The following PDE1A variants were observed in gnomAD, a reference collection of about 807,000 sequenced individuals.
The protein encoded by PDE1A is phosphodiesterase 1A.
In PDE1A, 35 loss-of-function variants were observed where a neutral mutation model predicts 61.7. The observed-to-expected ratio is 0.57, with a 90% CI of 0.43 to 0.75. The LOEUF (loss-of-function observed/expected upper bound fraction) is 0.75, where lower values mean the gene tolerates loss of function less well. PDE1A is among the 30% of genes least tolerant of loss of function. The pLI is 0.00. For missense variants in PDE1A, 597 were observed against 630.6 expected (o/e 0.95, Z 0.57); for synonymous variants, 232 against 213.2 (o/e 1.09, Z -0.77).
intron 6 of PDE1A, among the ~76,000 whole-genome samples, chr2:182,228,320 C>T (rs1285611970): frequency 2.6e-5 from 4 of 152,040 alleles, no homozygotes; most frequent in African/African-American, 9.7e-5. Flanking sequence ...CAGGAATGGT[C>T]CTTAAAACAT....
At chr2:182,524,897 T>A (rs1043713102), upstream of PDE1A, among the ~76,000 whole-genome samples, 2 of 151,830 alleles carry the variant, frequency 1.3e-5, no homozygotes, top group African/African-American at 4.8e-5. Context: ...GAACAAGTAG[T>A]TCCTTCATTC....
In PDE1A at chr2:182,202,693, A is replaced by T. The variant is rs79383286; in HGVS notation, c.903-904T>A. Among the ~76,000 whole-genome samples, 12 of 152,318 alleles carry T rather than the reference A, an allele frequency of 7.9e-5. No homozygotes were observed. In the East Asian group the frequency reaches 1.7e-3, roughly 22 times the overall value. On this transcript the variant is annotated intron_variant, in intron 8 of 13. Coordinates refer to ENST00000351439, the Ensembl canonical transcript of PDE1A. ...GTGATTTTCTGTTTAAGCTTTTGGGATCTGACCCTCCCTAACATAAAGAGA... is the reference window on the plus strand; with the variant it reads ...GTGATTTTCTGTTTAAGCTTTTGGGTTCTGACCCTCCCTAACATAAAGAGA...
rs188165627 is a variant in PDE1A at position 182,245,299 on chromosome 2, A to G, written c.168-5007T>C. On this transcript the variant is annotated intron_variant, in intron 2 of 13. Coordinates refer to ENST00000351439, the Ensembl canonical transcript of PDE1A. Reference sequence around the variant, plus strand: ...AGTTCCCATATTACTGACATCTGGTATTATTGTGGTACAGTTATTTCAGTT... The same window carrying G: ...AGTTCCCATATTACTGACATCTGGTGTTATTGTGGTACAGTTATTTCAGTT... Among the ~76,000 whole-genome samples, 347 of 152,242 alleles carry G rather than the reference A, an allele frequency of 2.3e-3. 1 individual carries two copies. Among genetic ancestry groups the G allele is most frequent in the Non-Finnish European group, 2.7e-3 (185 of 68,018 alleles).
intron 7 of PDE1A, among the ~76,000 whole-genome samples, chr2:182,210,022 A>G (rs1687450992): frequency 6.6e-6 from 1 of 151,650 alleles, no homozygotes; most frequent in South Asian, 2.1e-4. Flanking sequence ...CATATACCAC[A>G]GTTTATTTAT....
At chr2:182,313,357 T>G (rs561349542) in intron 1 of PDE1A, among the ~76,000 whole-genome samples, 2 of 152,206 alleles carry the variant, frequency 1.3e-5, no homozygotes, top group East Asian at 3.9e-4. Flanking sequence ...GGGGCTGCAG[T>G]GAGCTGAGAT....
intron 1 of PDE1A, among the ~76,000 whole-genome samples, chr2:182,317,563 A>G (rs1696418727): frequency 6.6e-6 from 1 of 152,138 alleles, no homozygotes; most frequent in Non-Finnish European, 1.5e-5. Context: ...GGCATACATA[A>G]CAATGAGTGC....
chr2:182,491,202 GT>G (rs1688369968), intron 2 of PDE1A, among the ~76,000 whole-genome samples: 1 of 152,192 alleles, frequency 6.6e-6, no homozygotes, highest in African/African-American at 2.4e-5. Flanking sequence ...GGTAACAGCA[GT>G]CAGTATAATA....
intron 1 of PDE1A, among the ~76,000 whole-genome samples, chr2:182,277,122 T>C (rs1022786457): frequency 2.6e-5 from 4 of 152,098 alleles, no homozygotes; most frequent in Non-Finnish European, 5.9e-5. Context: ...CAGAAGCATG[T>C]GATCTTTGTT....
intron 1 of PDE1A, among the ~76,000 whole-genome samples, chr2:182,290,361 T>C (rs1209904348): frequency 6.6e-6 from 1 of 152,118 alleles, no homozygotes; most frequent in East Asian, 1.9e-4. Flanking sequence ...TATCCAAATC[T>C]TTTGGTGGAA....
intron 10 of PDE1A, among the ~76,000 whole-genome samples, chr2:182,194,012 T>G (rs1685928477): frequency 6.6e-6 from 1 of 152,148 alleles, no homozygotes; most frequent in Non-Finnish European, 1.5e-5. Flanking sequence ...TAGCAACATT[T>G]AAAAATAGAG....
At chr2:182,425,054 T>G (rs1016216709) in intron 1 of PDE1A, among the ~76,000 whole-genome samples, 1 of 152,228 alleles carries the variant, frequency 6.6e-6, no homozygotes, top group Admixed American at 6.5e-5. Flanking sequence ...CCATAGCACC[T>G]AAGCATATAA....
chr2:182,369,285 G>A (rs147328867), intron 1 of PDE1A, among the ~76,000 whole-genome samples: 4 of 152,140 alleles, frequency 2.6e-5, no homozygotes, highest in African/African-American at 7.2e-5. Context: ...TTCTTATTAA[G>A]CTAATCTTCT....
the PDE1A span, among the ~76,000 whole-genome samples, chr2:182,601,711 G>C: frequency 3.3e-5 from 5 of 152,168 alleles, no homozygotes; most frequent in Admixed American, 6.5e-5. Context: ...GCAGAGAGGA[G>C]GAGGCTCTGG....
chr2:182,219,454 G>C (rs140579047), intron 7 of PDE1A, among the ~76,000 whole-genome samples: 93 of 152,152 alleles, frequency 6.1e-4, no homozygotes, highest in Non-Finnish European at 1.1e-3. Flanking sequence ...AGTGTGGAAT[G>C]GAAGCAAAAT....
At chr2:182,251,822 G>A (rs564861748) in intron 2 of PDE1A, among the ~76,000 whole-genome samples, 1 of 152,274 alleles carries the variant, frequency 6.6e-6, no homozygotes, top group South Asian at 2.1e-4. Context: ...TTTAATTAAT[G>A]AATCTTTTAT....
the PDE1A span, among the ~76,000 whole-genome samples, chr2:182,635,511 G>A: frequency 6.6e-6 from 1 of 151,952 alleles, no homozygotes; most frequent in Non-Finnish European, 1.5e-5. Context: ...ATATTTCATT[G>A]TATGAAAAAC....
chr2:182,416,089 T>C (rs1321048184), intron 1 of PDE1A, among the ~76,000 whole-genome samples: 1 of 152,188 alleles, frequency 6.6e-6, no homozygotes, highest in African/African-American at 2.4e-5. Flanking sequence ...ATCTATGAAA[T>C]GGGGAGCTAT....
intron 4 of PDE1A, 108 bp from the exon 5 acceptor site, chr2:182,231,239 G>C: frequency 1.5e-6 from 1 of 684,248 alleles, no homozygotes; most frequent in East Asian, 2.6e-5. Flanking sequence ...TTTCAATTTA[G>C]CATGTCAAAC....
intron 10 of PDE1A, 56 bp downstream of exon 10, chr2:182,201,383 C>T: frequency 6.3e-7 from 1 of 1,596,248 alleles, no homozygotes; most frequent in Non-Finnish European, 8.5e-7. Flanking sequence ...AAGGTGTACG[C>T]TAATATGCAC....
Sources: allele counts gnomAD v4.1 joint callset (sites outside exome capture counted in the v4.1 genomes callset), GRCh38; gene constraint gnomAD v4.1.1; transcripts MANE v1.5; gene names NCBI Gene and HGNC (gene_info 2026-07-23, HGNC 2026-07-21).